The following SNRPN variants were observed in gnomAD, a reference collection of about 807,000 sequenced individuals.
The protein encoded by SNRPN is small nuclear ribonucleoprotein-associated protein N.
A neutral mutation model predicts 25.2 loss-of-function variants in SNRPN; 7 were observed. That is an observed-to-expected ratio of 0.28 (90% CI 0.16 to 0.52). SNRPN has a LOEUF of 0.52. Among genes scored for constraint, SNRPN ranks in the 20% least tolerant of loss-of-function variants. The probability of loss-of-function intolerance (pLI) is 0.96; values close to 1 mark genes in which losing one functional copy is unlikely to be tolerated. For missense variants in SNRPN, 196 were observed against 322.5 expected (o/e 0.61, Z 3.00); for synonymous variants, 124 against 110.6 (o/e 1.12, Z -0.76).
At chr15:24,839,768 A>G (rs2051525442) in intron 2 of SNRPN, among the ~76,000 whole-genome samples, 1 of 152,174 alleles carries the variant, frequency 6.6e-6, no homozygotes, top group African/African-American at 2.4e-5. Flanking sequence ...CTTAGGCTCC[A>G]GACAGCCATG....
intron 2 of SNRPN, among the ~76,000 whole-genome samples, chr15:24,831,148 A>C (rs1164723040): frequency 6.6e-6 from 1 of 151,756 alleles, no homozygotes; most frequent in Non-Finnish European, 1.5e-5. Flanking sequence ...GGATCATTAT[A>C]TTTTCTTGGA....
At position 24,954,993 on chromosome 15, in the gene SNRPN, T is replaced by TGGAGC. The variant is rs1296453386; in HGVS notation, c.-457_-453dup. 5.0e-6 allele frequency: 8 copies of TGGAGC among 1,609,412 alleles called. No individual in the cohort carries two copies. The highest frequency in any genetic ancestry group is 1.3e-5 in the African/African-American group (1 of 74,820). On this transcript the variant is annotated 5_prime_UTR_variant, in exon 1 of 10. Coordinates refer to ENST00000390687, the MANE Select transcript of SNRPN (RefSeq NM_003097.6). Reference sequence around the variant, plus strand: ...CTGCTGCAGCGAGTCTGGCGCAGAGTGGAGCGGCCGCCGGAGATGCCTGAC... The same window carrying TGGAGC: ...CTGCTGCAGCGAGTCTGGCGCAGAGTGGAGCGGAGCGGCCGCCGGAGATGCCTGAC...
rs2051369914 is a variant in SNRPN at position 24,838,043 on chromosome 15, T to TC, written c.-579+8138_-579+8139insC. ...CGGCCAACTCTTTATTTATTTATTT[T>TC]TTTTTTTTTGAGACGGAGTCTCGCT... On this transcript the variant is annotated intron_variant, in intron 2 of 12. Coordinates refer to the SNRPN transcript ENST00000400100. Among the ~76,000 whole-genome samples, 3 of 147,294 alleles carry TC rather than the reference T, an allele frequency of 2.0e-5. No individual in the cohort carries two copies. The South Asian group carries it at 6.5e-4, about 32-fold the overall frequency.
chr15:24,947,925 T>G (rs1444827498), intron 3 of SNRPN, among the ~76,000 whole-genome samples: 1 of 151,880 alleles, frequency 6.6e-6, no homozygotes, highest in Non-Finnish European at 1.5e-5. Flanking sequence ...TATTGATACC[T>G]CCCATTCTTT....
chr15:24,862,190 A>G (rs979165920), intron 1 of SNRPN, among the ~76,000 whole-genome samples: 2 of 151,280 alleles, frequency 1.3e-5, no homozygotes, highest in Non-Finnish European at 2.9e-5. Context: ...AAATATGAGA[A>G]CAACATTGGA....
At chr15:24,874,038 G>A (rs889619274) in intron 1 of SNRPN, among the ~76,000 whole-genome samples, 12 of 149,260 alleles carry the variant, frequency 8.0e-5, no homozygotes, top group South Asian at 4.2e-4. Flanking sequence ...AAGGCTGCCC[G>A]CTGCGGTGGC....
intron 3 of SNRPN, among the ~76,000 whole-genome samples, chr15:24,947,306 C>T (rs1166762103): frequency 6.6e-6 from 1 of 152,116 alleles, no homozygotes; most frequent in Non-Finnish European, 1.5e-5. Flanking sequence ...GGCAGTTATA[C>T]AGGGAAAACT....
intron 2 of SNRPN, among the ~76,000 whole-genome samples, chr15:24,836,068 G>A (rs2051155097): frequency 1.3e-5 from 2 of 152,082 alleles, no homozygotes; most frequent in African/African-American, 2.4e-5. Flanking sequence ...ACGTTCTAGA[G>A]GCCGGCAAGG....
At chr15:24,936,321 T>C (rs1405260389) in intron 3 of SNRPN, among the ~76,000 whole-genome samples, 1 of 152,130 alleles carries the variant, frequency 6.6e-6, no homozygotes. Context: ...TAGGCTCCCA[T>C]GTTAATTTTC....
At chr15:24,899,167 C>T (rs1285356871) in intron 2 of SNRPN, among the ~76,000 whole-genome samples, 2 of 152,198 alleles carry the variant, frequency 1.3e-5, no homozygotes, top group African/African-American at 4.8e-5. Flanking sequence ...CTCAAATTCT[C>T]TCCCAACACT....
intron 4 of SNRPN, chr15:24,974,862 C>A: frequency 1.4e-6 from 1 of 698,836 alleles, no homozygotes; most frequent in Non-Finnish European, 2.6e-6. Flanking sequence ...CTGTGCCTGG[C>A]CATGAGAAAT....
chr15:24,901,688 G>C (rs1354082418), intron 2 of SNRPN, among the ~76,000 whole-genome samples: 1 of 152,166 alleles, frequency 6.6e-6, no homozygotes, highest in Non-Finnish European at 1.5e-5. Context: ...TGTAACCTGA[G>C]AATAATGAAG....
chr15:24,823,698 G>C (rs2049892909), exon 1 of SNRPN: 1 of 152,208 alleles, frequency 6.6e-6, no homozygotes, highest in African/African-American at 2.4e-5. Flanking sequence ...CTTCTGTGTG[G>C]TTTGCGGGGG....
intron 6 of SNRPN, 73 bp downstream of exon 6, chr15:24,976,489 G>A: frequency 2.0e-6 from 2 of 1,017,200 alleles, no homozygotes; most frequent in Admixed American, 2.2e-5. Context: ...TCTGAAATCA[G>A]GGTAGAGCAG....
chr15:24,905,701 AAAAC>A (rs2058756852), intron 2 of SNRPN, among the ~76,000 whole-genome samples: 1 of 152,218 alleles, frequency 6.6e-6, no homozygotes, highest in Admixed American at 6.5e-5. Flanking sequence ...AAATAAAAGA[AAAAC>A]AAAGATTAAT....
chr15:24,825,266 C>T (rs767232675), intron 1 of SNRPN, among the ~76,000 whole-genome samples: 4 of 149,156 alleles, frequency 2.7e-5, no homozygotes, highest in South Asian at 2.2e-4. Flanking sequence ...TATGACCTCG[C>T]GCCATTGACC....
At chr15:24,828,874 A>G (rs578018112) in intron 1 of SNRPN, among the ~76,000 whole-genome samples, 2 of 152,238 alleles carry the variant, frequency 1.3e-5, no homozygotes, top group South Asian at 4.1e-4. Flanking sequence ...ATAGGTGCAG[A>G]TGATAGAGCA....
chr15:24,905,175 C>T (rs757052901), intron 2 of SNRPN, among the ~76,000 whole-genome samples: 3 of 151,044 alleles, frequency 2.0e-5, no homozygotes, highest in Non-Finnish European at 2.9e-5. Flanking sequence ...ACTTCCTTGA[C>T]TGGCTCAGAA....
intron 3 of SNRPN, among the ~76,000 whole-genome samples, chr15:24,971,477 C>T (rs2076395461): frequency 6.6e-6 from 1 of 152,016 alleles, no homozygotes; most frequent in Non-Finnish European, 1.5e-5. Flanking sequence ...TGTAGGAGGT[C>T]AACTCCTATT....
Sources: gnomAD v4.1 joint callset for allele counts (sites outside exome capture counted in the v4.1 genomes callset) on GRCh38, gnomAD v4.1.1 for gene constraint, MANE v1.5 for transcripts, NCBI Gene and HGNC (gene_info 2026-07-23, HGNC 2026-07-21) for gene names.